BOC: variants seen among roughly 807,000 people sequenced by gnomAD.
The protein encoded by BOC is BOC cell adhesion associated, oncogene regulated.
BOC carries 76 observed loss-of-function variants against 112.0 expected under a neutral mutation model. That is an observed-to-expected ratio of 0.68 (90% CI 0.56 to 0.82). The LOEUF (loss-of-function observed/expected upper bound fraction) is 0.82, where lower values mean the gene tolerates loss of function less well. BOC is among the 40% of genes least tolerant of loss of function. BOC has a pLI of 0.00. For synonymous variants in BOC, 580 were observed against 599.8 expected (o/e 0.97, Z 0.48); for missense variants, 1,309 against 1,511.7 (o/e 0.87, Z 2.22).
chr3:113,276,826 G>C (rs1401314135), intron 9 of BOC, among the ~76,000 whole-genome samples: 1 of 152,306 alleles, frequency 6.6e-6, no homozygotes, highest in East Asian at 1.9e-4. Context: ...CCTGTGCCTT[G>C]AATGGTAGGT....
At chr3:113,236,304 A>G (rs1207776948) in intron 2 of BOC, among the ~76,000 whole-genome samples, 1 of 98,870 alleles carries the variant, frequency 1.0e-5, no homozygotes, top group African/African-American at 3.8e-5. Context: ...ATATATATAT[A>G]TATATATACC....
intron 3 of BOC, 146 bp downstream of exon 3, chr3:113,250,045 A>G: frequency 1.4e-6 from 1 of 697,158 alleles, no homozygotes; most frequent in Non-Finnish European, 2.5e-6. Context: ...AGAACACAAG[A>G]TGAGACATGA....
intron 16 of BOC, among the ~76,000 whole-genome samples, chr3:113,284,051 CT>C (rs1949445801): frequency 6.6e-6 from 1 of 152,136 alleles, no homozygotes; most frequent in African/African-American, 2.4e-5. Context: ...CTTACCTCCT[CT>C]AAATATTGTT....
intron 2 of BOC, among the ~76,000 whole-genome samples, chr3:113,248,351 A>G (rs1945191650): frequency 6.6e-6 from 1 of 152,184 alleles, no homozygotes; most frequent in Non-Finnish European, 1.5e-5. Flanking sequence ...AGCACAACAC[A>G]TCTCTCAGTT....
chr3:113,270,720 G>T, intron 5 of BOC, 81 bp from the exon 6 acceptor site: 1 of 1,490,642 alleles, frequency 6.7e-7, no homozygotes. Flanking sequence ...CTCTCCCTCC[G>T]TGCACCTCTC....
intron 2 of BOC, among the ~76,000 whole-genome samples, chr3:113,220,576 A>G (rs1553189): frequency 0.94 from 143,106 of 152,104 alleles, 67,529 homozygotes; most frequent in Non-Finnish European, 0.98. Flanking sequence ...TTCTGTGCTT[A>G]CCCAAGTTGA....
intron 5 of BOC, 121 bp from the exon 6 acceptor site, chr3:113,270,680 A>AGCTCAGGGGAC: frequency 8.6e-7 from 1 of 1,166,616 alleles, no homozygotes; most frequent in South Asian, 1.5e-5. Context: ...TCAGGTGGAC[A>AGCTCAGGGGAC]TCAGCTCCTA....
chr3:113,285,337 A>G, intron 18 of BOC, 35 bp from the exon 19 acceptor site: 1 of 1,599,476 alleles, frequency 6.3e-7, no homozygotes, highest in Non-Finnish European at 8.6e-7. Flanking sequence ...CACCCTGCCC[A>G]GCCCCACCTC....
In BOC at chr3:113,270,944, C is replaced by G. The variant is rs373085312; in HGVS notation, c.667C>G (p.Arg223Gly). ...CTCCAGCGACAGGCTACGTGTGCGC[C>G]GTAAGGCCCGGGCCCACCTGCTGGG... ...SGSSDRLRVR[R>G]STAEAARIIY... Residue 223 changes from arginine to glycine, a missense_variant and splice_region_variant, in exon 6 of 20, where the codon CGC (arginine) becomes GGC (glycine). Transcript: ENST00000682979. The G allele has an allele frequency of 3.7e-6, 6 of 1,614,134 alleles. No homozygotes were observed. The South Asian group carries it at 5.5e-5, about 15-fold the overall frequency.
In BOC at chr3:113,286,684, G is replaced by C. The variant is rs1949731698; in HGVS notation, c.3170G>C (p.Cys1057Ser). 6.3e-7 allele frequency: 1 copy of C among 1,581,928 alleles called. No homozygotes were observed. Among genetic ancestry groups the C allele is most frequent in the South Asian group, 1.2e-5 (1 of 85,832 alleles). Reference protein sequence around the residue: ...WDPPFHSGPPCCLGLVPVEEV... With the variant: ...WDPPFHSGPPSCLGLVPVEEV... ...CTCTTTCTCCCCTCAGGGCCCCCAT[G>C]CTGCTTGGGCCTTGTGCCAGTTGAA... The change falls in exon 20 of 20, where the codon TGC (cysteine) becomes TCC (serine). Residue 1057 changes from cysteine to serine, a missense_variant. Cys to Ser is a moderately radical substitution (Grantham distance 112). Transcript: ENST00000682979.
intron 17 of BOC, 60 bp downstream of exon 17, chr3:113,284,627 TG>T: frequency 1.3e-6 from 2 of 1,559,878 alleles, no homozygotes; most frequent in Non-Finnish European, 8.7e-7. Flanking sequence ...GTGGCTGGGC[TG>T]CCTTGGGGGG....
At chr3:113,276,356 A>T (rs1015503612) in intron 9 of BOC, among the ~76,000 whole-genome samples, 1 of 151,902 alleles carries the variant, frequency 6.6e-6, no homozygotes, top group African/African-American at 2.4e-5. Context: ...TCTTATTTTC[A>T]TTTCTGGGCC....
chr3:113,280,116 G>C, intron 13 of BOC, 111 bp downstream of exon 13: 1 of 1,184,202 alleles, frequency 8.4e-7, no homozygotes, highest in African/African-American at 1.6e-5. Context: ...AGCTTCATCA[G>C]TGGAATTTGG....
chr3:113,228,363 G>T (rs1488587069), intron 2 of BOC, among the ~76,000 whole-genome samples: 2 of 152,036 alleles, frequency 1.3e-5, no homozygotes, highest in African/African-American at 4.8e-5. Flanking sequence ...AGGAGTACAG[G>T]GCTCCTGATT....
At position 113,272,634 on chromosome 3, in the gene BOC, C is replaced by A. The variant is rs148136058; in HGVS notation, c.892C>A (p.Arg298Ser). 4 of 1,613,864 alleles carry A rather than the reference C, an allele frequency of 2.5e-6. No individual in the cohort carries two copies. The African/African-American group carries it at 4.0e-5, about 16-fold the overall frequency. Residue 298 changes from arginine to serine, a missense_variant, in exon 7 of 20, where the codon CGC (arginine) becomes AGC (serine). Physicochemically the swap from Arg to Ser is moderately radical, Grantham distance 110 (BLOSUM62 -1). Transcript: ENST00000682979. ...TTSEEDSGTY[R>S]CMADNGVGQP... ...CAGCGAGGAGGACTCAGGCACCTAC[C>A]GCTGCATGGCCGACAATGGGGTTGG...
chr3:113,271,885 A>G (rs1948160169), intron 6 of BOC: 1 of 166,634 alleles, frequency 6.0e-6, no homozygotes, highest in African/African-American at 2.4e-5. Context: ...GCATTTGGGG[A>G]CCTTGCAATA....
rs1166072335 is a variant in BOC, at chr3:113,274,977, T to C, written c.1542+295T>C. Among the ~76,000 whole-genome samples the C allele has an allele frequency of 6.6e-6, 1 of 152,220 alleles. No homozygotes were observed. Among genetic ancestry groups the C allele is most frequent in the African/African-American group, 2.4e-5 (1 of 41,456 alleles). Reference sequence around the variant, plus strand: ...GAAGCTCACACTGGCTTCTAGTCCCTGAGGAGACCGTGAACAGTCTCCCTG... The same window carrying C: ...GAAGCTCACACTGGCTTCTAGTCCCCGAGGAGACCGTGAACAGTCTCCCTG... On this transcript the variant is annotated intron_variant, in intron 9 of 19. Transcript: ENST00000682979. This position sits in a 1 kb window ranked among gnomAD's most constrained non-coding sequence, Gnocchi z 4.8.
chr3:113,271,859 A>G (rs1188894260), intron 6 of BOC: 1 of 165,184 alleles, frequency 6.1e-6, no homozygotes. Flanking sequence ...CACCTGAGGA[A>G]GTACATAGGT....
At chr3:113,241,733 A>G (rs553240397) in intron 2 of BOC, among the ~76,000 whole-genome samples, 1 of 152,230 alleles carries the variant, frequency 6.6e-6, no homozygotes, top group African/African-American at 2.4e-5. Flanking sequence ...GGGGCAACAC[A>G]GCCCCCATAT....
Sources: allele counts gnomAD v4.1 joint callset (sites outside exome capture counted in the v4.1 genomes callset), GRCh38; gene constraint gnomAD v4.1.1; non-coding constraint Gnocchi (gnomAD v3.1); transcripts MANE v1.5; gene names NCBI Gene and HGNC (gene_info 2026-07-23, HGNC 2026-07-21).